Variants in C12orf42 observed in about 807,000 individuals in gnomAD.
The protein encoded by C12orf42 is chromosome 12 open reading frame 42.
In C12orf42, 25 loss-of-function variants were observed where a neutral mutation model predicts 21.6. The observed-to-expected ratio is 1.16, with a 90% CI of 0.84 to 1.62. C12orf42 has a LOEUF of 1.62. Among genes scored for constraint, C12orf42 ranks in the 40% most tolerant of loss-of-function variants. The probability of loss-of-function intolerance (pLI) is 0.00; values close to 1 mark genes in which losing one functional copy is unlikely to be tolerated. For synonymous variants in C12orf42, 174 were observed against 175.0 expected, an observed-to-expected ratio of 0.99 and a Z score of 0.05; for missense variants, 483 against 459.3, an observed-to-expected ratio of 1.05 and a Z score of -0.47.
chr12:103,050,750 A>T, the C12orf42 span, among the ~76,000 whole-genome samples: 1 of 152,050 alleles, frequency 6.6e-6, no homozygotes, highest in Non-Finnish European at 1.5e-5. Flanking sequence ...GCAGGGATAT[A>T]TATTTTAGGG....
the C12orf42 span, among the ~76,000 whole-genome samples, chr12:103,174,305 G>A: frequency 1.3e-5 from 2 of 152,184 alleles, no homozygotes; most frequent in Non-Finnish European, 2.9e-5. Context: ...TATATCAGAA[G>A]TAGTGATTTT....
At chr12:103,221,505 T>TAA in the C12orf42 span, among the ~76,000 whole-genome samples, 61 of 152,330 alleles carry the variant, frequency 4.0e-4, no homozygotes, top group African/African-American at 1.2e-3. Context: ...AAAAAGCAAT[T>TAA]AAATTACTTA....
chr12:103,403,858 C>G (rs1039442859), intron 2 of C12orf42, among the ~76,000 whole-genome samples: 1 of 152,184 alleles, frequency 6.6e-6, no homozygotes, highest in Non-Finnish European at 1.5e-5. Context: ...AATGCTGTCC[C>G]AAACCACCCT....
the C12orf42 span, among the ~76,000 whole-genome samples, chr12:103,093,133 A>C: frequency 1.3e-5 from 2 of 152,222 alleles, no homozygotes; most frequent in African/African-American, 2.4e-5. Context: ...ACTTTGAATC[A>C]ATCTCAAGCC....
chr12:103,166,517 A>T, the C12orf42 span, among the ~76,000 whole-genome samples: 1 of 152,208 alleles, frequency 6.6e-6, no homozygotes, highest in Non-Finnish European at 1.5e-5. Flanking sequence ...TTTTTAAATA[A>T]CATAATTATA....
chr12:103,521,040 C>T, the C12orf42 span, among the ~76,000 whole-genome samples: 9 of 152,184 alleles, frequency 5.9e-5, no homozygotes, highest in African/African-American at 1.9e-4. Flanking sequence ...GCCATGTCAT[C>T]ATGCTCTATG....
chr12:103,439,175 T>C (rs941876237), intron 2 of C12orf42, among the ~76,000 whole-genome samples: 8 of 151,468 alleles, frequency 5.3e-5, no homozygotes, highest in African/African-American at 1.7e-4. Context: ...CCCTATTTAA[T>C]AAATGGTGCT....
chr12:103,440,383 A>C (rs1425457558), intron 2 of C12orf42, among the ~76,000 whole-genome samples: 1 of 142,500 alleles, frequency 7.0e-6, no homozygotes, highest in African/African-American at 2.6e-5. Flanking sequence ...CAATGTGCAC[A>C]TGTACGCTAA....
At chr12:103,436,103 T>A (rs1950684174) in intron 2 of C12orf42, among the ~76,000 whole-genome samples, 1 of 152,080 alleles carries the variant, frequency 6.6e-6, no homozygotes, top group Admixed American at 6.6e-5. Context: ...TATTCAACAT[T>A]CTTAAAGAAA....
chr12:103,401,133 A>G (rs2047952111), intron 3 of C12orf42, among the ~76,000 whole-genome samples: 1 of 152,156 alleles, frequency 6.6e-6, no homozygotes, highest in Admixed American at 6.5e-5. Context: ...ACAAACATTC[A>G]CTTTGGCTCT....
chr12:103,432,104 T>C (rs1231336788), intron 2 of C12orf42, among the ~76,000 whole-genome samples: 1 of 152,186 alleles, frequency 6.6e-6, no homozygotes, highest in African/African-American at 2.4e-5. Context: ...GCTGTCCACA[T>C]GTGTAGTGTG....
intron 4 of C12orf42, among the ~76,000 whole-genome samples, chr12:103,288,013 G>A (rs1181210052): frequency 3.9e-5 from 6 of 152,172 alleles, no homozygotes. Flanking sequence ...TGACCAAACA[G>A]CGAAAATAAT....
At chr12:103,238,350 C>CTAG in intron 10 of C12orf42, among the ~76,000 whole-genome samples, 1 of 152,040 alleles carries the variant, frequency 6.6e-6, no homozygotes, top group East Asian at 1.9e-4. Flanking sequence ...GAGAAGGAGT[C>CTAG]TTCTCTAGAG....
intron 4 of C12orf42, among the ~76,000 whole-genome samples, chr12:103,360,704 C>T (rs924758132): frequency 6.6e-6 from 1 of 151,854 alleles, no homozygotes; most frequent in East Asian, 1.9e-4. Flanking sequence ...CCACAGTAGG[C>T]TGGAAATAAG....
the C12orf42 span, among the ~76,000 whole-genome samples, chr12:103,153,374 T>TA: frequency 2.0e-5 from 3 of 152,248 alleles, no homozygotes; most frequent in African/African-American, 7.2e-5. Context: ...AAGACACAAA[T>TA]ACAACAGTTA....
At chr12:103,254,535 A>G (rs1436376216) in intron 10 of C12orf42, among the ~76,000 whole-genome samples, 2 of 152,226 alleles carry the variant, frequency 1.3e-5, no homozygotes, top group East Asian at 3.8e-4. Context: ...GTGAAACAGA[A>G]TAGAGAACTC....
chr12:103,364,311 A>C (rs776363378), intron 4 of C12orf42, among the ~76,000 whole-genome samples: 4 of 152,120 alleles, frequency 2.6e-5, no homozygotes, highest in Admixed American at 6.6e-5. Context: ...ATAGTGACAC[A>C]ACCCATAAAA....
intron 3 of C12orf42, among the ~76,000 whole-genome samples, chr12:103,371,919 T>C (rs545614353): frequency 6.6e-6 from 1 of 152,238 alleles, no homozygotes; most frequent in East Asian, 1.9e-4. Flanking sequence ...CTTATCAAAG[T>C]TACAGAAGTA....
chr12:103,416,308 T>C (rs1379152924), intron 2 of C12orf42, among the ~76,000 whole-genome samples: 1 of 151,996 alleles, frequency 6.6e-6, no homozygotes, highest in African/African-American at 2.4e-5. Context: ...TGAGAGAACA[T>C]TCTGTGAACC....
Sources: allele counts gnomAD v4.1 joint callset (sites outside exome capture counted in the v4.1 genomes callset), GRCh38; gene constraint gnomAD v4.1.1; transcripts MANE v1.5; gene names NCBI Gene and HGNC (gene_info 2026-07-23, HGNC 2026-07-21).